RARG: variants seen among roughly 807,000 people sequenced by gnomAD.
RARG encodes RAR-gamma.
In RARG, 17 loss-of-function variants were observed where a neutral mutation model predicts 43.7. That is an observed-to-expected ratio of 0.39 (90% CI 0.27 to 0.58). The LOEUF (loss-of-function observed/expected upper bound fraction) is 0.58. Among genes scored for constraint, RARG ranks in the 20% least tolerant of loss-of-function variants. The pLI, the probability that RARG is intolerant of heterozygous loss-of-function variation, is 0.57. For missense variants in RARG, 346 were observed against 598.7 expected (o/e 0.58, Z 4.40); for synonymous variants, 238 against 236.4 (o/e 1.01, Z -0.06).
At position 53,227,477 on chromosome 12, in the gene RARG, T is replaced by C; in HGVS notation, c.69A>G (p.Ala23=). The change falls in exon 3 of 10, where the codon GCA becomes GCG. Residue 23 remains alanine (A), a synonymous_variant. Transcript: ENST00000425354. This position sits in a 1 kb window ranked among gnomAD's most constrained non-coding sequence, Gnocchi z 4.3. ...ALGPGSGYPG[A]GFPFAFPGAL... ...CCCCTGGGAAGGCGAAGGGGAAACC[T>C]GCCCCTGGGTAGCCAGATCCAGGCC... 6.2e-7 allele frequency: 1 copy of C among 1,609,438 alleles called. No individual in the cohort carries two copies. Among genetic ancestry groups the C allele is most frequent in the Non-Finnish European group, 8.5e-7 (1 of 1,178,150 alleles).
chr12:53,220,056 C>T, intron 3 of RARG: 1 of 1,549,112 alleles, frequency 6.5e-7, no homozygotes, highest in Non-Finnish European at 8.7e-7. Flanking sequence ...CCGCCCCGTA[C>T]AGCCGTCGCG....
intron 3 of RARG, chr12:53,220,462 C>T: frequency 2.8e-6 from 2 of 703,444 alleles, no homozygotes; most frequent in Non-Finnish European, 4.2e-6. Flanking sequence ...GAGAGTGGAG[C>T]GCACACATAC....
At chr12:53,226,015 C>T (rs1943099857) in intron 3 of RARG, among the ~76,000 whole-genome samples, 1 of 152,234 alleles carries the variant, frequency 6.6e-6, no homozygotes, top group Non-Finnish European at 1.5e-5. Flanking sequence ...GCAGTCATTT[C>T]CATCCTCCCC....
At chr12:53,225,252 T>C (rs529150732) in intron 3 of RARG, among the ~76,000 whole-genome samples, 104 of 152,326 alleles carry the variant, frequency 6.8e-4, no homozygotes, top group African/African-American at 2.3e-3. Context: ...ATAACCCCTG[T>C]TGGACTACAG....
At chr12:53,221,029 A>T (rs1002434270) in intron 3 of RARG, among the ~76,000 whole-genome samples, 1 of 150,156 alleles carries the variant, frequency 6.7e-6, no homozygotes, top group Non-Finnish European at 1.5e-5. Context: ...CCGCGGTCCT[A>T]GGGCCGGAGC....
At chr12:53,223,707 C>T (rs1943039978) in intron 3 of RARG, among the ~76,000 whole-genome samples, 1 of 152,214 alleles carries the variant, frequency 6.6e-6, no homozygotes. Context: ...CTTGCTTCTC[C>T]CAGTGCCTGG....
intron 3 of RARG, among the ~76,000 whole-genome samples, chr12:53,226,063 T>C (rs946551234): frequency 2.6e-5 from 4 of 152,246 alleles, no homozygotes; most frequent in Non-Finnish European, 4.4e-5. Flanking sequence ...CCACACATCT[T>C]TGGGGACCTG....
chr12:53,218,700 C>CA (rs1942848387), intron 3 of RARG, among the ~76,000 whole-genome samples: 1 of 152,136 alleles, frequency 6.6e-6, no homozygotes, highest in African/African-American at 2.4e-5. Flanking sequence ...AAAAAAAATC[C>CA]GAACTTGTAA....
chr12:53,211,960 T>C lies in RARG; in HGVS notation c.1178-97A>G, dbSNP rs1942601646. ...CTTTCTCAACTGCCCCTGACTCCCC[T>C]AGGGGGCGCCCAGCACAGGCCCACC... On this transcript the variant is annotated intron_variant, in intron 9 of 9. Coordinates refer to ENST00000425354, the MANE Select transcript of RARG (RefSeq NM_000966.6). This position sits in a 1 kb window ranked among gnomAD's most constrained non-coding sequence, Gnocchi z 4.6. 9.9e-7 allele frequency: 1 copy of C among 1,011,768 alleles called. No homozygotes were observed. The allele number at this position is 1,011,768 out of a possible 1,614,324, so 62.7% of individuals were successfully genotyped here.
intron 3 of RARG, among the ~76,000 whole-genome samples, chr12:53,221,762 G>A (rs914040045): frequency 1.1e-4 from 17 of 151,456 alleles, no homozygotes; most frequent in Non-Finnish European, 2.4e-4. Flanking sequence ...TCAGCCGCCG[G>A]GCCGCCCGGC....
intron 3 of RARG, among the ~76,000 whole-genome samples, chr12:53,222,305 GA>G (rs1201872738): frequency 1.3e-5 from 2 of 151,918 alleles, no homozygotes; most frequent in African/African-American, 4.8e-5. Flanking sequence ...GAAAGAGAGA[GA>G]GAGAGAGAGA....
intron 6 of RARG, 36 bp downstream of exon 6, chr12:53,214,410 G>A (rs374371814): frequency 6.3e-7 from 1 of 1,597,294 alleles, no homozygotes; most frequent in South Asian, 1.1e-5. Context: ...AAAGTGAAGA[G>A]TGCCCTGCCC....
chr12:53,215,863 C>T lies in RARG; in HGVS notation c.185-69G>A. ...CACAGACCTCCAGGCTTCCTCATCA[C>T]ACACACCCCATGTGCATTTGTTCCT... On this transcript the variant is annotated intron_variant, in intron 3 of 9. Transcript: ENST00000425354. The surrounding 1 kb of genome is among the most constrained non-coding windows in gnomAD (Gnocchi z 6.4). The T allele has an allele frequency of 6.8e-7, 1 of 1,464,898 alleles. No homozygotes were observed. Among genetic ancestry groups the T allele is most frequent in the Non-Finnish European group, 9.1e-7 (1 of 1,093,362 alleles). 90.7% of individuals were successfully genotyped at this position (1,464,898 alleles called of 1,614,324 possible).
At chr12:53,229,807 T>C in intron 2 of RARG, 1 of 404,826 alleles carries the variant, frequency 2.5e-6, no homozygotes, top group Non-Finnish European at 3.3e-6. Context: ...CAGGGCTCTC[T>C]GCCTTAGCCC....
Position 53,211,731 on chromosome 12 carries a change from C to T in RARG, c.1310G>A (p.Ser437Asn), listed in dbSNP as rs554853535. 6.4e-7 allele frequency: 1 copy of T among 1,567,456 alleles called. No individual in the cohort carries two copies. The highest frequency in any genetic ancestry group is 1.4e-5 in the African/African-American group (1 of 71,790). The change falls in exon 10 of 10, where the codon AGC becomes AAC. Residue 437 changes from serine to asparagine, a missense_variant. This residue lies in a region of RARG where 40 missense variants were observed against 44.6 expected (regional missense o/e 0.90). Coordinates refer to ENST00000425354, the MANE Select transcript of RARG (RefSeq NM_000966.6). The surrounding 1 kb of genome is among the most constrained non-coding windows in gnomAD (Gnocchi z 4.6). Reference sequence around the variant, plus strand: ...CTGGCCCCCAGGAACCTCATCCTCGCTAGAGGCATTGGGGTGGGGACCAGG... The same window carrying T: ...CTGGCCCCCAGGAACCTCATCCTCGTTAGAGGCATTGGGGTGGGGACCAGG... ...SQPGPHPNASSEDEVPGGQGK... is the reference protein window; with the variant it reads ...SQPGPHPNASNEDEVPGGQGK...
rs1040489042 is a variant in RARG at position 53,213,762 on chromosome 12, G to A, written c.814-62C>T. On this transcript the variant is annotated intron_variant, in intron 7 of 9. Coordinates refer to ENST00000425354, the MANE Select transcript of RARG (RefSeq NM_000966.6). The surrounding 1 kb of genome is among the most constrained non-coding windows in gnomAD (Gnocchi z 4.7). The stretch of plus-strand genomic sequence containing the variant: ...CTGGGGGATGGGGAAAAGAGGGAAT[G>A]AGTGGAAAGTGAGGAGGTTAGGTCC... The A allele has an allele frequency of 1.3e-6, 2 of 1,489,342 alleles. No individual in the cohort carries two copies. Among genetic ancestry groups the A allele is most frequent in the Non-Finnish European group, 9.3e-7 (1 of 1,077,912 alleles). 92.3% of individuals were successfully genotyped at this position (1,489,342 alleles called of 1,614,324 possible). A position where few individuals can be genotyped will look rare whatever the true frequency, so the allele number is the denominator to read the frequency against.
rs1414533641 is a variant in RARG, at chr12:53,225,538, C to T, written c.184+1824G>A. 1.3e-5 allele frequency among the ~76,000 whole-genome samples: 2 copies of T among 152,238 alleles called. 1 individual carries two copies. Among genetic ancestry groups the T allele is most frequent in the Non-Finnish European group, 2.9e-5 (2 of 68,044 alleles). On this transcript the variant is annotated intron_variant, in intron 3 of 9. Transcript: ENST00000425354. ...CACACAACCCTCTGCGTGCCCCCTC[C>T]TGGAAGCAGGGCGCCTTCTCTTCTA...
Position 53,215,529 on chromosome 12 carries a change from T to C in RARG, c.334-95A>G. The C allele has an allele frequency of 6.3e-7, 1 of 1,591,242 alleles. No individual in the cohort carries two copies. The highest frequency in any genetic ancestry group is 1.3e-5 in the African/African-American group (1 of 74,500). ...GCAGGTTGCCCCAAGCCTGACCTAA[T>C]CTATTAACCACCTATGTGCAAAGCA... On this transcript the variant is annotated intron_variant, in intron 4 of 9. Transcript: ENST00000425354. The surrounding 1 kb of genome is among the most constrained non-coding windows in gnomAD (Gnocchi z 6.4).
At position 53,211,968 on chromosome 12, in the gene RARG, G is replaced by T; in HGVS notation, c.1178-105C>A. 1 of 848,170 alleles carries T rather than the reference G, an allele frequency of 1.2e-6. No homozygotes were observed. The highest frequency in any genetic ancestry group is 1.6e-6 in the Non-Finnish European group (1 of 618,176). 52.5% of individuals were successfully genotyped at this position (848,170 alleles called of 1,614,324 possible). ...ACTGCCCCTGACTCCCCTAGGGGGC[G>T]CCCAGCACAGGCCCACCACCTCTCC... On this transcript the variant is annotated intron_variant, in intron 9 of 9. Coordinates refer to ENST00000425354, the MANE Select transcript of RARG (RefSeq NM_000966.6). This position sits in a 1 kb window ranked among gnomAD's most constrained non-coding sequence, Gnocchi z 4.6.
Sources: gnomAD v4.1 joint callset for allele counts (sites outside exome capture counted in the v4.1 genomes callset) on GRCh38, gnomAD v4.1.1 for gene constraint, gnomAD v4.1.1 regional missense constraint, Gnocchi (gnomAD v3.1) non-coding constraint, MANE v1.5 for transcripts, NCBI Gene and HGNC (gene_info 2026-07-23, HGNC 2026-07-21) for gene names.